RNF17: variants seen among roughly 807,000 people sequenced by gnomAD.
RNF17 encodes the protein ring finger protein 17, also known as spermatogenesis associated 23.
RNF17 carries 31 observed loss-of-function variants against 200.5 expected under a neutral mutation model. That is an observed-to-expected ratio of 0.15 (90% confidence interval 0.12 to 0.21). The LOEUF (loss-of-function observed/expected upper bound fraction) is 0.21. RNF17 is among the 10% of genes least tolerant of loss of function. The pLI is 1.00. For synonymous variants in RNF17, 606 were observed against 637.8 expected, an observed-to-expected ratio of 0.95 and a Z score of 0.75; for missense variants, 1,628 against 1,905.1, an observed-to-expected ratio of 0.85 and a Z score of 2.71.
Position 24,828,811 on chromosome 13 carries a change from T to C in RNF17, c.2246-1673T>C, listed in dbSNP as rs79371811. 3.6e-3 allele frequency among the ~76,000 whole-genome samples: 547 copies of C among 151,834 alleles called. 2 individuals are homozygous for C. Among genetic ancestry groups the C allele is most frequent in the Non-Finnish European group, 5.8e-3 (391 of 67,940 alleles). On this transcript the variant is annotated intron_variant, in intron 16 of 35. Coordinates refer to ENST00000255324, the MANE Select transcript of RNF17 (RefSeq NM_031277.3). ...GTTTGATTTTTTTTTTTTTTAAGCA[T>C]GAAAACATCCTTTTTGAGATGGTCT...
the RNF17 span, chr13:24,886,095 T>C: frequency 2.6e-6 from 1 of 379,906 alleles, no homozygotes. Context: ...ACCAATCACA[T>C]ACTGTACCAG....
chr13:24,883,974 G>C, downstream of RNF17: 1 of 1,614,080 alleles, frequency 6.2e-7, no homozygotes, highest in Non-Finnish European at 8.5e-7. Context: ...GTTGTACTCT[G>C]ACAATTGTAC....
At chr13:24,862,570 A>ATGATATTCTC in intron 27 of RNF17, 143 bp from the exon 28 acceptor site, 1 of 575,212 alleles carries the variant, frequency 1.7e-6, no homozygotes, top group South Asian at 2.2e-5. Flanking sequence ...TCATGTACCT[A>ATGATATTCTC]TGATATTCTC....
chr13:24,821,035 G>A (rs1391347641), intron 15 of RNF17, among the ~76,000 whole-genome samples: 1 of 152,122 alleles, frequency 6.6e-6, no homozygotes, highest in Non-Finnish European at 1.5e-5. Context: ...CAGAAGAGTT[G>A]ATTTCTTCTG....
At chr13:24,876,727 A>G (rs1347852674) in intron 33 of RNF17, among the ~76,000 whole-genome samples, 1 of 152,044 alleles carries the variant, frequency 6.6e-6, no homozygotes, top group Non-Finnish European at 1.5e-5. Flanking sequence ...TCTTTAGAGT[A>G]ATGTCCGTGT....
chr13:24,872,027 G>A (rs1894330909), intron 32 of RNF17, among the ~76,000 whole-genome samples: 1 of 133,406 alleles, frequency 7.5e-6, no homozygotes, highest in African/African-American at 2.8e-5. Flanking sequence ...GGAGTGCAAT[G>A]GTGCAATCTT....
intron 15 of RNF17, among the ~76,000 whole-genome samples, chr13:24,809,253 C>A (rs1012520370): frequency 6.6e-6 from 1 of 150,522 alleles, no homozygotes; most frequent in Non-Finnish European, 1.5e-5. Context: ...TGGTAGAATT[C>A]GGCTGTGAAT....
At chr13:24,788,628 CA>C (rs1883437008) in intron 7 of RNF17, among the ~76,000 whole-genome samples, 1 of 152,024 alleles carries the variant, frequency 6.6e-6, no homozygotes, top group Non-Finnish European at 1.5e-5. Flanking sequence ...AATTCCATTC[CA>C]AATTGTGCAA....
At chr13:24,786,875 T>C (rs1883178100) in intron 6 of RNF17, among the ~76,000 whole-genome samples, 1 of 152,060 alleles carries the variant, frequency 6.6e-6, no homozygotes, top group Admixed American at 6.6e-5. Context: ...TTTTGGAAGG[T>C]TTTTTGCCAT....
At chr13:24,754,368 T>C in the RNF17 span, among the ~76,000 whole-genome samples, 1,593 of 152,246 alleles carry the variant, frequency 0.01, 36 homozygotes, top group African/African-American at 0.036. Flanking sequence ...AGGTCTCACA[T>C]GTAAAGCATC....
the RNF17 span, among the ~76,000 whole-genome samples, chr13:24,887,305 G>A: frequency 8.5e-5 from 13 of 152,160 alleles, no homozygotes; most frequent in Admixed American, 2.6e-4. Flanking sequence ...CAAACCCCAC[G>A]GTATACTGGT....
chr13:24,830,012 C>G (rs1889211814), intron 16 of RNF17, among the ~76,000 whole-genome samples: 1 of 152,146 alleles, frequency 6.6e-6, no homozygotes, highest in Admixed American at 6.5e-5. Context: ...ATAGGCGAAT[C>G]CTCCAAAAAC....
At chr13:24,764,970 C>T (rs1223795867) in intron 1 of RNF17, among the ~76,000 whole-genome samples, 3 of 150,776 alleles carry the variant, frequency 2.0e-5, no homozygotes, top group Non-Finnish European at 4.4e-5. Flanking sequence ...TATTATTGGT[C>T]TGTTCACCTA....
chr13:24,788,104 T>C lies in RNF17; in HGVS notation c.728T>C (p.Ile243Thr), dbSNP rs767484244. ...KKNNLNAAMN[I>T]ARALQLSPSL... is the part of the protein sequence containing the mutation. The stretch of plus-strand genomic sequence containing the variant: ...AATAATTTGAATGCAGCTATGAACA[T>C]AGCAAGAGCATTACAATTATCGCCT... Residue 243 changes from isoleucine to threonine, a missense_variant, in exon 7 of 36, where the codon ATA becomes ACA. Around this residue, in one of 5 missense-constraint regions of RNF17, gnomAD observed 502 missense variants for 501.7 expected, o/e 1.00. Transcript: ENST00000255324. 9 of 1,596,538 alleles carry C rather than the reference T, an allele frequency of 5.6e-6. No homozygotes were observed. In the South Asian group the frequency reaches 1.0e-4, roughly 18 times the overall value.
chr13:24,781,702 T>G (rs1162547817), intron 5 of RNF17, 142 bp from the exon 6 acceptor site: 5 of 595,180 alleles, frequency 8.4e-6, no homozygotes, highest in African/African-American at 1.9e-5. Context: ...ACCTTGTGAC[T>G]TATTCTATTT....
chr13:24,887,208 G>C, the RNF17 span, among the ~76,000 whole-genome samples: 2 of 152,092 alleles, frequency 1.3e-5, no homozygotes, highest in South Asian at 2.1e-4. Flanking sequence ...ATACTATAAA[G>C]AGCAAAAAGA....
rs998782520 is a variant in RNF17 at position 24,862,806 on chromosome 13, A to G, written c.3975+13A>G. The G allele has an allele frequency of 7.7e-6, 11 of 1,431,260 alleles. No individual in the cohort carries two copies. The highest frequency in any genetic ancestry group is 1.1e-5 in the Non-Finnish European group (11 of 1,016,642). 88.7% of individuals were successfully genotyped at this position (1,431,260 alleles called of 1,614,324 possible). Reference sequence around the variant, plus strand: ...CATTCACATTATGGTAATTTAAAGTATATATAGTTGTTATAAATTACTTGC... The same window carrying G: ...CATTCACATTATGGTAATTTAAAGTGTATATAGTTGTTATAAATTACTTGC... On this transcript the variant is annotated intron_variant, in intron 28 of 35. Coordinates refer to ENST00000255324, the MANE Select transcript of RNF17 (RefSeq NM_031277.3).
intron 6 of RNF17, among the ~76,000 whole-genome samples, chr13:24,782,415 C>T (rs1330307118): frequency 2.0e-5 from 3 of 151,888 alleles, no homozygotes; most frequent in African/African-American, 7.3e-5. Flanking sequence ...CCATGCTTTT[C>T]CCAAACTCCT....
Position 24,879,151 on chromosome 13 carries a change from T to A in RNF17, c.4774-36T>A, listed in dbSNP as rs1369231826. ...GAGAGGGAAAAGGCAGCAAAGACAT[T>A]ACTGTTTTCTTGACAACTGTATCTT... On this transcript the variant is annotated intron_variant, in intron 34 of 35. Coordinates refer to ENST00000255324, the MANE Select transcript of RNF17 (RefSeq NM_031277.3). The A allele has an allele frequency of 3.3e-6, 5 of 1,501,064 alleles. No homozygotes were observed. The African/African-American group carries it at 5.5e-5, about 16-fold the overall frequency. 93.0% of individuals were successfully genotyped at this position (1,501,064 alleles called of 1,614,324 possible). A position where few individuals can be genotyped will look rare whatever the true frequency, so the allele number is the denominator to read the frequency against.
Sources: gnomAD v4.1 joint callset for allele counts (sites outside exome capture counted in the v4.1 genomes callset) on GRCh38, gnomAD v4.1.1 for gene constraint, gnomAD v4.1.1 regional missense constraint, MANE v1.5 for transcripts, NCBI Gene and HGNC (gene_info 2026-07-23, HGNC 2026-07-21) for gene names.